CLSTN2: variants seen among roughly 807,000 people sequenced by gnomAD.
The protein encoded by CLSTN2 is calsyntenin 2, also known as calsyntenin-2.
CLSTN2 carries 48 observed loss-of-function variants against 101.2 expected under a neutral mutation model. The ratio of observed to expected loss-of-function variants is 0.47; its 90% confidence interval spans 0.38 to 0.60. The LOEUF is 0.60. Among genes scored for constraint, CLSTN2 ranks in the 20% least tolerant of loss-of-function variants. The pLI is 0.00. For synonymous variants in CLSTN2, 481 were observed against 463.6 expected (o/e 1.04, Z -0.48); for missense variants, 1,160 against 1,238.2 (o/e 0.94, Z 0.95).
intron 2 of CLSTN2, among the ~76,000 whole-genome samples, chr3:140,199,692 C>T (rs1178229997): frequency 6.6e-6 from 1 of 152,148 alleles, no homozygotes; most frequent in East Asian, 1.9e-4. Context: ...GCTGGCCTTC[C>T]CAGAAATGAG....
intron 8 of CLSTN2, among the ~76,000 whole-genome samples, chr3:140,484,184 G>A (rs1253489618): frequency 6.6e-6 from 1 of 152,144 alleles, no homozygotes; most frequent in Non-Finnish European, 1.5e-5. Context: ...CTCAGCATTT[G>A]CTTGTCTGCA....
At chr3:140,558,351 G>A (rs545841621) in intron 11 of CLSTN2, among the ~76,000 whole-genome samples, 29 of 152,330 alleles carry the variant, frequency 1.9e-4, no homozygotes, top group South Asian at 8.3e-4. Flanking sequence ...TCTAATTAAT[G>A]TTGTCATTGA....
intron 2 of CLSTN2, among the ~76,000 whole-genome samples, chr3:140,349,639 C>A (rs2087585241): frequency 6.6e-6 from 1 of 152,192 alleles, no homozygotes; most frequent in African/African-American, 2.4e-5. Context: ...ATCTGTGAAT[C>A]TGTGAAATCT....
intron 5 of CLSTN2, among the ~76,000 whole-genome samples, chr3:140,422,524 G>A (rs1576558953): frequency 6.6e-6 from 1 of 152,144 alleles, no homozygotes; most frequent in Non-Finnish European, 1.5e-5. Flanking sequence ...GATCGGAAGG[G>A]GTAATTTAAC....
chr3:140,356,756 C>CAAA (rs55634580), intron 2 of CLSTN2, among the ~76,000 whole-genome samples: 37 of 111,052 alleles, frequency 3.3e-4, no homozygotes, highest in African/African-American at 8.2e-4. Context: ...GACCTTGTCT[C>CAAA]AAAAAAAAAA....
At chr3:140,363,653 C>T (rs2087754122) in intron 2 of CLSTN2, among the ~76,000 whole-genome samples, 1 of 152,182 alleles carries the variant, frequency 6.6e-6, no homozygotes, top group African/African-American at 2.4e-5. Context: ...CCCTGCCTCA[C>T]ATTCCACCCA....
chr3:140,145,431 A>G (rs1038201661), intron 1 of CLSTN2, among the ~76,000 whole-genome samples: 1 of 152,376 alleles, frequency 6.6e-6, no homozygotes, highest in South Asian at 2.1e-4. Flanking sequence ...GGCACTGTAG[A>G]GCAGTTGCTG....
In CLSTN2 at chr3:140,127,031, A is replaced by G. The variant is rs5028226; in HGVS notation, c.110-48920A>G. On this transcript the variant is annotated intron_variant, in intron 1 of 16. Coordinates refer to ENST00000458420, the MANE Select transcript of CLSTN2 (RefSeq NM_022131.3). ...GTGTCATTATATGTGTCATATATAT[A>G]TATCATGTGTCATTATATGTATCAT... 2.0e-5 allele frequency among the ~76,000 whole-genome samples: 3 copies of G among 151,374 alleles called. No homozygotes were observed. The East Asian group carries it at 5.9e-4, about 30-fold the overall frequency.
At chr3:140,429,433 A>T (rs1423437430) in intron 5 of CLSTN2, among the ~76,000 whole-genome samples, 1 of 152,138 alleles carries the variant, frequency 6.6e-6, no homozygotes, top group Non-Finnish European at 1.5e-5. Flanking sequence ...ACTGGGCTTT[A>T]GCACAGAGAG....
intron 2 of CLSTN2, among the ~76,000 whole-genome samples, chr3:140,215,297 C>T (rs1000359718): frequency 6.6e-6 from 1 of 152,140 alleles, no homozygotes; most frequent in East Asian, 1.9e-4. Flanking sequence ...TTTTATATGG[C>T]AATACCCACC....
chr3:140,383,321 G>A lies in CLSTN2; in HGVS notation c.233-20308G>A, dbSNP rs527654783. ...TTCTTTACCTTCTTTGAACTGCCTG[G>A]TATATAATGGGTGCCCATTAATTAT... On this transcript the variant is annotated intron_variant, in intron 2 of 16. Transcript: ENST00000458420. 9.2e-5 allele frequency among the ~76,000 whole-genome samples: 14 copies of A among 152,274 alleles called. No individual in the cohort carries two copies. In the East Asian group the frequency reaches 1.7e-3, roughly 19 times the overall value.
intron 2 of CLSTN2, among the ~76,000 whole-genome samples, chr3:140,388,648 T>G (rs894307685): frequency 6.6e-6 from 1 of 152,240 alleles, no homozygotes; most frequent in Admixed American, 6.5e-5. Flanking sequence ...GGCAAGTTTC[T>G]TCGCCTCTCT....
At chr3:140,424,329 A>C (rs1310928095) in intron 5 of CLSTN2, among the ~76,000 whole-genome samples, 1 of 152,190 alleles carries the variant, frequency 6.6e-6, no homozygotes, top group Non-Finnish European at 1.5e-5. Context: ...TCTGATATCT[A>C]TAACAGGCCA....
chr3:139,955,511 G>A (rs1007711918), intron 1 of CLSTN2, among the ~76,000 whole-genome samples: 2 of 32,390 alleles, frequency 6.2e-5, no homozygotes, highest in Non-Finnish European at 8.8e-5. Context: ...TAGACATGGG[G>A]TTATAGTTTA....
intron 2 of CLSTN2, among the ~76,000 whole-genome samples, chr3:140,226,952 G>A (rs2086326496): frequency 6.6e-6 from 1 of 152,094 alleles, no homozygotes; most frequent in African/African-American, 2.4e-5. Context: ...CCTCCCACCA[G>A]GTCCCTCTCA....
chr3:140,499,690 T>C (rs1179123111), intron 8 of CLSTN2, among the ~76,000 whole-genome samples: 1 of 152,146 alleles, frequency 6.6e-6, no homozygotes, highest in Non-Finnish European at 1.5e-5. Context: ...TCACTGAGCT[T>C]CTCTGATTGC....
chr3:140,157,116 T>G (rs758762208), intron 1 of CLSTN2, among the ~76,000 whole-genome samples: 1 of 152,182 alleles, frequency 6.6e-6, no homozygotes, highest in African/African-American at 2.4e-5. Flanking sequence ...TCAGAACTAT[T>G]CAATCTTTAT....
chr3:139,964,538 G>A (rs1576378590), intron 1 of CLSTN2, among the ~76,000 whole-genome samples: 1 of 152,264 alleles, frequency 6.6e-6, no homozygotes, highest in South Asian at 2.1e-4. Flanking sequence ...CCTTAGTTAA[G>A]GGAGGAACCT....
chr3:140,344,994 G>A (rs755748786), intron 2 of CLSTN2, among the ~76,000 whole-genome samples: 4 of 152,182 alleles, frequency 2.6e-5, no homozygotes, highest in Non-Finnish European at 4.4e-5. Flanking sequence ...CATACGAGCC[G>A]TCTGGGCACA....
Sources: gnomAD v4.1 joint callset for allele counts (sites outside exome capture counted in the v4.1 genomes callset) on GRCh38, gnomAD v4.1.1 for gene constraint, MANE v1.5 for transcripts, NCBI Gene and HGNC (gene_info 2026-07-23, HGNC 2026-07-21) for gene names.